The following MCC variants were observed in gnomAD, a reference collection of about 807,000 sequenced individuals.
The protein encoded by MCC is colorectal mutant cancer protein.
MCC carries 90 observed loss-of-function variants against 116.2 expected under a neutral mutation model. That is an observed-to-expected ratio of 0.77 (90% CI 0.65 to 0.92). The LOEUF (loss-of-function observed/expected upper bound fraction) is 0.92. Ranked by LOEUF, MCC falls within the 40% of genes least tolerant of loss-of-function variation. MCC has a pLI of 0.00. For missense variants in MCC, 1,516 were observed against 1,312.2 expected (o/e 1.16, Z -2.40); for synonymous variants, 578 against 510.5 (o/e 1.13, Z -1.78).
intron 1 of MCC, among the ~76,000 whole-genome samples, chr5:113,466,985 T>C (rs1285445557): frequency 2.0e-5 from 3 of 152,052 alleles, no homozygotes; most frequent in Non-Finnish European, 4.4e-5. Flanking sequence ...ATGTCTTCTT[T>C]TGAGAAGTGT....
intron 3 of MCC, among the ~76,000 whole-genome samples, chr5:113,285,746 C>T (rs1286610552): frequency 6.6e-6 from 1 of 152,212 alleles, no homozygotes; most frequent in Non-Finnish European, 1.5e-5. Context: ...GCACATATCA[C>T]CACTGAACAT....
intron 3 of MCC, among the ~76,000 whole-genome samples, chr5:113,266,110 T>A (rs1385975307): frequency 6.6e-6 from 1 of 152,120 alleles, no homozygotes; most frequent in Admixed American, 6.6e-5. Context: ...TTATGCCAAA[T>A]GCTAGGAAAA....
At chr5:113,445,969 T>C (rs1771205632) in intron 1 of MCC, among the ~76,000 whole-genome samples, 1 of 152,180 alleles carries the variant, frequency 6.6e-6, no homozygotes, top group South Asian at 2.1e-4. Flanking sequence ...GTCTAATTTT[T>C]GACAAAGTTG....
At chr5:113,310,754 G>GA (rs1023074831) in intron 3 of MCC, among the ~76,000 whole-genome samples, 2 of 152,086 alleles carry the variant, frequency 1.3e-5, no homozygotes, top group Admixed American at 1.3e-4. Flanking sequence ...TTGGGAATTT[G>GA]AAAAAACACA....
intron 1 of MCC, among the ~76,000 whole-genome samples, chr5:113,402,293 CAAAAAAAAAA>C (rs371884386): frequency 1.0e-5 from 1 of 96,606 alleles, no homozygotes; most frequent in South Asian, 4.2e-4. Flanking sequence ...GACTCCGTCT[CAAAAAAAAAA>C]AAAAAAAACA....
intron 1 of MCC, among the ~76,000 whole-genome samples, chr5:113,423,690 G>A (rs1459699482): frequency 2.6e-5 from 4 of 152,122 alleles, no homozygotes; most frequent in South Asian, 4.1e-4. Context: ...TGCAGGTGAC[G>A]TTCATAACAG....
chr5:113,139,678 T>C (rs1397901117), intron 5 of MCC, among the ~76,000 whole-genome samples: 3 of 152,186 alleles, frequency 2.0e-5, no homozygotes, highest in Non-Finnish European at 4.4e-5. Context: ...AGTTCAACCA[T>C]TGTGGAAGAC....
At chr5:113,199,062 G>A (rs1309445181) in intron 3 of MCC, among the ~76,000 whole-genome samples, 1 of 152,172 alleles carries the variant, frequency 6.6e-6, no homozygotes, top group East Asian at 1.9e-4. Flanking sequence ...CAGCTACTCT[G>A]GAGGCTGAGG....
chr5:113,457,387 C>G (rs1226670803), intron 1 of MCC, among the ~76,000 whole-genome samples: 1 of 152,260 alleles, frequency 6.6e-6, no homozygotes, highest in Non-Finnish European at 1.5e-5. Flanking sequence ...TCCCGCGGAG[C>G]AGGCCTCGGG....
chr5:113,374,159 T>C (rs1768916437), intron 2 of MCC, among the ~76,000 whole-genome samples: 1 of 152,046 alleles, frequency 6.6e-6, no homozygotes, highest in Admixed American at 6.6e-5. Context: ...TCCCAAAGGC[T>C]GCGGTTACAG....
chr5:113,277,388 A>G (rs1303929339), intron 3 of MCC, among the ~76,000 whole-genome samples: 1 of 151,894 alleles, frequency 6.6e-6, no homozygotes, highest in Non-Finnish European at 1.5e-5. Flanking sequence ...AAAAATTACC[A>G]AAATGTTACC....
At chr5:113,441,334 G>A (rs1372396334) in intron 1 of MCC, among the ~76,000 whole-genome samples, 1 of 150,488 alleles carries the variant, frequency 6.6e-6, no homozygotes, top group African/African-American at 2.5e-5. Flanking sequence ...ATGAGACACT[G>A]TCTCAAAACA....
intron 17 of MCC, among the ~76,000 whole-genome samples, chr5:113,032,366 C>G (rs756621147): frequency 1.3e-5 from 2 of 149,974 alleles, no homozygotes; most frequent in Non-Finnish European, 2.9e-5. Flanking sequence ...CGAGATCGCG[C>G]CACTGCGCTC....
intron 5 of MCC, among the ~76,000 whole-genome samples, chr5:113,135,549 ACT>A (rs1758765044): frequency 2.0e-5 from 2 of 101,984 alleles, no homozygotes; most frequent in Admixed American, 1.2e-4. Context: ...ACAGAGTGAG[ACT>A]CTGTCTCAAA....
intron 1 of MCC, among the ~76,000 whole-genome samples, chr5:113,398,529 C>T (rs1291255390): frequency 6.6e-6 from 1 of 152,156 alleles, no homozygotes. Context: ...TCCTTTGCAG[C>T]AACATGAATG....
chr5:113,241,881 C>A (rs1365866797), intron 3 of MCC, among the ~76,000 whole-genome samples: 1 of 152,046 alleles, frequency 6.6e-6, no homozygotes, highest in Non-Finnish European at 1.5e-5. Context: ...GGCTCCAAAG[C>A]CCACCTGTTG....
At chr5:113,311,694 C>T (rs890846415) in intron 3 of MCC, among the ~76,000 whole-genome samples, 2 of 152,074 alleles carry the variant, frequency 1.3e-5, no homozygotes, top group East Asian at 1.9e-4. Flanking sequence ...AATAGCTGGC[C>T]GGGCATGGTG....
At chr5:113,086,683 T>C (rs554964134) in intron 8 of MCC, among the ~76,000 whole-genome samples, 47 of 152,304 alleles carry the variant, frequency 3.1e-4, no homozygotes, top group Non-Finnish European at 5.4e-4. Flanking sequence ...TTTTATAACC[T>C]TGGTCGCAGT....
intron 1 of MCC, among the ~76,000 whole-genome samples, chr5:113,395,526 C>G (rs990204690): frequency 1.3e-5 from 2 of 152,154 alleles, no homozygotes; most frequent in South Asian, 2.1e-4. Context: ...TACTGAGCAC[C>G]AGGCGTATAT....
Sources: gnomAD v4.1 joint callset for allele counts (sites outside exome capture counted in the v4.1 genomes callset) on GRCh38, gnomAD v4.1.1 for gene constraint, MANE v1.5 for transcripts, NCBI Gene and HGNC (gene_info 2026-07-23, HGNC 2026-07-21) for gene names.